The following SYN2 variants were observed in gnomAD, a reference collection of about 807,000 sequenced individuals.
The protein encoded by SYN2 is synapsin II, also known as synapsin-2.
A neutral mutation model predicts 50.9 loss-of-function variants in SYN2; 19 were observed. The observed-to-expected ratio is 0.37, with a 90% CI of 0.26 to 0.55. The LOEUF (loss-of-function observed/expected upper bound fraction) is 0.55, where lower values mean the gene tolerates loss of function less well. Among genes scored for constraint, SYN2 ranks in the 20% least tolerant of loss-of-function variants. The probability of loss-of-function intolerance (pLI) is 0.81; values close to 1 mark genes in which losing one functional copy is unlikely to be tolerated. For synonymous variants in SYN2, 255 were observed against 224.9 expected, an observed-to-expected ratio of 1.13 and a Z score of -1.20; for missense variants, 587 against 576.4, an observed-to-expected ratio of 1.02 and a Z score of -0.19.
At chr3:12,168,514 A>C in intron 9 of SYN2, 36 bp downstream of exon 9, 1 of 1,566,290 alleles carries the variant, frequency 6.4e-7, no homozygotes, top group Non-Finnish European at 8.8e-7. Context: ...GTAACTCCTA[A>C]GGCTTAAGAA....
intron 4 of SYN2, among the ~76,000 whole-genome samples, chr3:12,150,154 T>A (rs1194141157): frequency 6.6e-6 from 1 of 152,230 alleles, no homozygotes; most frequent in Non-Finnish European, 1.5e-5. Flanking sequence ...CCTTCCTTTC[T>A]CTGATAAATA....
intron 1 of SYN2, among the ~76,000 whole-genome samples, chr3:12,134,465 T>TG (rs1247315050): frequency 6.6e-6 from 1 of 152,222 alleles, no homozygotes. Context: ...CCCAAGCTTC[T>TG]GTGCGTTTGC....
intron 7 of SYN2, among the ~76,000 whole-genome samples, chr3:12,164,341 T>TC (rs1382166220): frequency 6.6e-5 from 10 of 152,202 alleles, no homozygotes; most frequent in African/African-American, 2.2e-4. Context: ...TTCTAAAACA[T>TC]TGATGAAGGC....
intron 11 of SYN2, chr3:12,184,782 C>A (rs1484387670): frequency 2.0e-6 from 2 of 985,806 alleles, no homozygotes; most frequent in Non-Finnish European, 2.4e-6. Flanking sequence ...AGCTTCAGTG[C>A]CTCATCTTGC....
intron 8 of SYN2, among the ~76,000 whole-genome samples, chr3:12,168,164 A>G (rs1697847794): frequency 6.6e-6 from 1 of 152,154 alleles, no homozygotes; most frequent in Admixed American, 6.5e-5. Flanking sequence ...ATATGGTGAG[A>G]ACTGCTTTGG....
chr3:12,158,581 A>G, intron 5 of SYN2: 2 of 1,447,796 alleles, frequency 1.4e-6, no homozygotes, highest in Non-Finnish European at 1.9e-6. Flanking sequence ...AGCCTCAGCA[A>G]GAGACAACCG....
rs57240010 is a variant in SYN2 at position 12,049,528 on chromosome 3, A to T, written c.377+44600A>T. ...AGTGAGACTCCGTCTCAAAAAAAAA[A>T]AAATAATAAAAAATAAAAAAACTGA... On this transcript the variant is annotated intron_variant, in intron 1 of 12. Coordinates refer to ENST00000621198, the MANE Select transcript of SYN2 (RefSeq NM_133625.6). Among the ~76,000 whole-genome samples, 58 of 131,846 alleles carry T rather than the reference A, an allele frequency of 4.4e-4. 1 individual carries two copies. The South Asian group carries it at 9.2e-3, about 21-fold the overall frequency. 86.5% of individuals were successfully genotyped at this position (131,846 alleles called of 152,430 possible).
rs1258510564 is a variant in SYN2, at chr3:12,162,003, T to G, written c.838-9T>G. ...CCCTTTCCCCCTTTCTGCCCTGCTC[T>G]AACATTAGGTCAAAGTGGAAAACCA... On this transcript the variant is annotated splice_polypyrimidine_tract_variant and intron_variant, in intron 6 of 12. Transcript: ENST00000621198. The G allele has an allele frequency of 6.2e-7, 1 of 1,613,878 alleles. No individual in the cohort carries two copies. The highest frequency in any genetic ancestry group is 8.5e-7 in the Non-Finnish European group (1 of 1,179,870).
intron 1 of SYN2, among the ~76,000 whole-genome samples, chr3:12,010,155 C>T (rs926565973): frequency 1.3e-5 from 2 of 152,166 alleles, no homozygotes; most frequent in Non-Finnish European, 2.9e-5. Context: ...TCGTCAAAAT[C>T]CAGCAATCTA....
intron 1 of SYN2, among the ~76,000 whole-genome samples, chr3:12,131,920 A>G (rs1364947194): frequency 6.6e-6 from 1 of 152,138 alleles, no homozygotes; most frequent in African/African-American, 2.4e-5. Context: ...CAGAGAAGGC[A>G]TTCACAGAGG....
chr3:12,128,049 G>A (rs1390907985), intron 1 of SYN2, among the ~76,000 whole-genome samples: 10 of 149,384 alleles, frequency 6.7e-5, no homozygotes, highest in Non-Finnish European at 1.3e-4. Context: ...AGGCTGAAGC[G>A]ATCCTCCCAC....
At chr3:12,058,450 T>G (rs1695045828) in intron 1 of SYN2, among the ~76,000 whole-genome samples, 1 of 152,222 alleles carries the variant, frequency 6.6e-6, no homozygotes, top group Admixed American at 6.5e-5. Context: ...AAGACAACAG[T>G]AATTTACTTC....
chr3:12,153,598 TACAG>T lies in SYN2; in HGVS notation c.774+2276_774+2279del, dbSNP rs1037421889. The T allele has an allele frequency of 2.9e-5, 47 of 1,614,044 alleles. 1 individual carries two copies. The highest frequency in any genetic ancestry group is 8.5e-7 in the Non-Finnish European group (1 of 1,180,018). ...CTGCAGGTGCCGTCAACATGCTTCATACAGACATAATGCTGAGCCTGGTAACCAT... is the reference window on the plus strand; with the variant it reads ...CTGCAGGTGCCGTCAACATGCTTCATACATAATGCTGAGCCTGGTAACCAT... On this transcript the variant is annotated intron_variant, in intron 5 of 12. Coordinates refer to ENST00000621198, the MANE Select transcript of SYN2 (RefSeq NM_133625.6).
intron 1 of SYN2, among the ~76,000 whole-genome samples, chr3:12,083,970 T>C (rs1695635565): frequency 6.6e-6 from 1 of 152,152 alleles, no homozygotes; most frequent in Non-Finnish European, 1.5e-5. Context: ...GAGAGGAGAA[T>C]GCTGGAATAG....
intron 1 of SYN2, among the ~76,000 whole-genome samples, chr3:12,103,685 G>T (rs1290357676): frequency 6.6e-6 from 1 of 152,130 alleles, no homozygotes; most frequent in Non-Finnish European, 1.5e-5. Flanking sequence ...TTAACTTCAA[G>T]CTTGGTCACA....
At position 12,050,623 on chromosome 3, in the gene SYN2, C is replaced by T. The variant is rs190393762; in HGVS notation, c.377+45695C>T. ...TCTCCCAAAGTGCTGGGATTACAGGCGTGAGCCACTTTGCCTAGCCTGGAG... is the reference window on the plus strand; with the variant it reads ...TCTCCCAAAGTGCTGGGATTACAGGTGTGAGCCACTTTGCCTAGCCTGGAG... On this transcript the variant is annotated intron_variant, in intron 1 of 12. Coordinates refer to ENST00000621198, the MANE Select transcript of SYN2 (RefSeq NM_133625.6). Among the ~76,000 whole-genome samples the T allele has an allele frequency of 2.7e-3, 404 of 147,056 alleles. 4 individuals are homozygous for T. The highest frequency in any genetic ancestry group is 9.1e-3 in the African/African-American group (369 of 40,724).
At chr3:12,058,832 C>T (rs1436354932) in intron 1 of SYN2, among the ~76,000 whole-genome samples, 1 of 152,204 alleles carries the variant, frequency 6.6e-6, no homozygotes, top group Non-Finnish European at 1.5e-5. Context: ...TCCTCATCTC[C>T]TGAGAGTCCC....
intron 1 of SYN2, among the ~76,000 whole-genome samples, chr3:12,103,855 G>T (rs1696124813): frequency 6.6e-6 from 1 of 152,196 alleles, no homozygotes; most frequent in South Asian, 2.1e-4. Flanking sequence ...AAAAAGCACA[G>T]TCGAGTTCAG....
chr3:12,147,203 GTA>G (rs1325193668), intron 4 of SYN2, among the ~76,000 whole-genome samples: 11 of 137,438 alleles, frequency 8.0e-5, no homozygotes, highest in Non-Finnish European at 1.7e-4. Context: ...GTGTGTGTGT[GTA>G]TGTGTGTGTG....
Sources: allele counts gnomAD v4.1 joint callset (sites outside exome capture counted in the v4.1 genomes callset), GRCh38; gene constraint gnomAD v4.1.1; transcripts MANE v1.5; gene names NCBI Gene and HGNC (gene_info 2026-07-23, HGNC 2026-07-21).